TECTA: variants seen among roughly 807,000 people sequenced by gnomAD.
The protein encoded by TECTA is alpha-tectorin.
A neutral mutation model predicts 216.8 loss-of-function variants in TECTA; 128 were observed. The ratio of observed to expected loss-of-function variants is 0.59; its 90% CI spans 0.51 to 0.68. The LOEUF is 0.68. Ranked by LOEUF, TECTA falls within the 30% of genes least tolerant of loss-of-function variation. The probability of loss-of-function intolerance (pLI) is 0.00; values close to 1 mark genes in which losing one functional copy is unlikely to be tolerated. For synonymous variants in TECTA, 1,089 were observed against 1,117.1 expected (o/e 0.97, Z 0.50); for missense variants, 2,551 against 2,786.2 (o/e 0.92, Z 1.90).
chr11:121,102,747 C>T lies in TECTA; in HGVS notation c.64+18C>T, dbSNP rs749080253. ...GCACCAAGGTGAGTACTACAGAATT[C>T]CATAAAGCTCTCAGTTAGCATGCTC... is the stretch of plus-strand genomic sequence containing the variant. On this transcript the variant is annotated intron_variant, in intron 2 of 23. Coordinates refer to ENST00000392793, the MANE Select transcript of TECTA (RefSeq NM_005422.4). 1.9e-6 allele frequency: 3 copies of T among 1,608,844 alleles called. No homozygotes were observed. Among genetic ancestry groups the T allele is most frequent in the Non-Finnish European group, 2.6e-6 (3 of 1,175,540 alleles).
intron 18 of TECTA, 135 bp downstream of exon 18, chr11:121,166,915 G>C: frequency 1.0e-6 from 1 of 966,304 alleles, no homozygotes; most frequent in Non-Finnish European, 1.6e-6. Flanking sequence ...CAATAGGCAT[G>C]TGCAACATGA....
chr11:121,139,155 C>T (rs1306207392), intron 11 of TECTA, among the ~76,000 whole-genome samples: 1 of 152,218 alleles, frequency 6.6e-6, no homozygotes, highest in African/African-American at 2.4e-5. Flanking sequence ...GTGTCGTCCT[C>T]TTCCCTTGCT....
chr11:121,185,480 C>A (rs12801565), intron 20 of TECTA, among the ~76,000 whole-genome samples: 14 of 122,006 alleles, frequency 1.1e-4, no homozygotes, highest in African/African-American at 3.8e-4. Flanking sequence ...GTAGGGAAAG[C>A]AGATGTTGAA....
chr11:121,159,126 T>G (rs1946973914), intron 14 of TECTA, among the ~76,000 whole-genome samples: 1 of 152,196 alleles, frequency 6.6e-6, no homozygotes, highest in Admixed American at 6.5e-5. Flanking sequence ...AGGCCTTGAG[T>G]GTATCTTTAA....
chr11:121,145,427 G>T, intron 11 of TECTA, 128 bp from the exon 12 acceptor site: 1 of 906,572 alleles, frequency 1.1e-6, no homozygotes, highest in Non-Finnish European at 1.8e-6. Context: ...AACAGTACAT[G>T]CAAAGACTGC....
At chr11:121,168,573 C>T (rs956302104) in intron 19 of TECTA, 104 bp from the exon 20 acceptor site, 95 of 1,569,060 alleles carry the variant, frequency 6.1e-5, no homozygotes, top group Non-Finnish European at 8.1e-5. Context: ...GACTTTGCTA[C>T]TACGTGCTTT....
chr11:121,129,660 T>C lies in TECTA; in HGVS notation c.2390T>C (p.Leu797Ser), dbSNP rs1263475888. The C allele has an allele frequency of 9.9e-6, 16 of 1,614,092 alleles. No individual in the cohort carries two copies. The highest frequency in any genetic ancestry group is 1.4e-5 in the Non-Finnish European group (16 of 1,180,042). ...CAGTTGAATGGTCAGGAAGTGGAATTGCCTTTTTTCCATCCTTCGGGGAAG... is the reference window on the plus strand; with the variant it reads ...CAGTTGAATGGTCAGGAAGTGGAATCGCCTTTTTTCCATCCTTCGGGGAAG... ...EVKLNGQEVE[L>S]PFFHPSGKLE... The change falls in exon 10 of 24, where the codon TTG becomes TCG. Residue 797 changes from leucine to serine, a missense_variant. Physicochemically the swap from Leu to Ser is moderately radical, Grantham distance 145 (BLOSUM62 -2). This residue lies in a region of TECTA where 2,375 missense variants were observed against 2,563.9 expected (regional missense o/e 0.93). Coordinates refer to ENST00000392793, the MANE Select transcript of TECTA (RefSeq NM_005422.4).
intron 8 of TECTA, among the ~76,000 whole-genome samples, chr11:121,126,092 T>C (rs994448023): frequency 6.6e-5 from 10 of 152,284 alleles, no homozygotes; most frequent in South Asian, 6.2e-4. Context: ...TGAACATACA[T>C]GGTCTGGAAA....
intron 20 of TECTA, among the ~76,000 whole-genome samples, chr11:121,169,844 T>TA (rs1222487810): frequency 6.6e-6 from 1 of 152,198 alleles, no homozygotes; most frequent in Non-Finnish European, 1.5e-5. Context: ...CTTGAATATG[T>TA]ATCTTTCCTT....
In TECTA at chr11:121,165,273, C is replaced by T. The variant is rs199705973; in HGVS notation, c.5273C>T (p.Ser1758Leu). 5 of 1,598,622 alleles carry T rather than the reference C, an allele frequency of 3.1e-6. No homozygotes were observed. Among genetic ancestry groups the T allele is most frequent in the Non-Finnish European group, 4.3e-6 (5 of 1,172,264 alleles). ...TGTTTCTGTGTGTTTTTCTTTTTAG[C>T]AGGAGTGGTTGAAGATCCCTGTGTG... Reference protein sequence around the residue: ...STEWIEKENCSGVVEDPCVGA... With the variant: ...STEWIEKENCLGVVEDPCVGA... Residue 1758 changes from serine to leucine, a missense_variant and splice_region_variant, in exon 17 of 24, where the codon TCA becomes TTA. By Grantham distance (145) the Ser-to-Leu change is moderately radical. Transcript: ENST00000392793.
Position 121,168,855 on chromosome 11 carries a change from C to T in TECTA, c.5929C>T (p.Leu1977Phe), listed in dbSNP as rs1591464632. The change falls in exon 20 of 24, where the codon CTC becomes TTC. Residue 1977 changes from leucine to phenylalanine, a missense_variant. Coordinates refer to ENST00000392793, the MANE Select transcript of TECTA (RefSeq NM_005422.4). Reference sequence around the variant, plus strand: ...TGACGCCACACATTTAATCCTAACACTCAACAAATGCTATGCCACACCCAC... The same window carrying T: ...TGACGCCACACATTTAATCCTAACATTCAACAAATGCTATGCCACACCCAC... Reference protein sequence around the residue: ...GADATHLILTLNKCYATPTRD... With the variant: ...GADATHLILTFNKCYATPTRD... 1 of 1,614,138 alleles carries T rather than the reference C, an allele frequency of 6.2e-7. No homozygotes were observed. The highest frequency in any genetic ancestry group is 8.5e-7 in the Non-Finnish European group (1 of 1,180,016).
At chr11:121,121,817 A>G (rs1289459230) in intron 7 of TECTA, among the ~76,000 whole-genome samples, 1 of 152,200 alleles carries the variant, frequency 6.6e-6, no homozygotes, top group South Asian at 2.1e-4. Flanking sequence ...GAGCCCATTC[A>G]GCAGTTGACG....
chr11:121,134,355 ACT>A (rs1244152900), intron 10 of TECTA, among the ~76,000 whole-genome samples: 27 of 151,986 alleles, frequency 1.8e-4, no homozygotes, highest in African/African-American at 4.4e-4. Flanking sequence ...ACACGCACAC[ACT>A]TCTTTTTAAC....
intron 20 of TECTA, among the ~76,000 whole-genome samples, chr11:121,186,914 A>G (rs1030333420): frequency 6.6e-6 from 1 of 152,206 alleles, no homozygotes; most frequent in African/African-American, 2.4e-5. Context: ...CATCTGACAG[A>G]AGTTTTCAAA....
At chr11:121,151,485 G>T (rs1208349081) in intron 12 of TECTA, among the ~76,000 whole-genome samples, 1 of 152,168 alleles carries the variant, frequency 6.6e-6, no homozygotes, top group Non-Finnish European at 1.5e-5. Flanking sequence ...TATATATTAT[G>T]CTCCCATTTA....
chr11:121,120,004 T>C (rs1946540851), intron 7 of TECTA, among the ~76,000 whole-genome samples: 1 of 152,260 alleles, frequency 6.6e-6, no homozygotes, highest in Non-Finnish European at 1.5e-5. Context: ...TCCTTGTAGA[T>C]AGATGCTGGC....
At chr11:121,181,008 A>C (rs988875041) in intron 20 of TECTA, among the ~76,000 whole-genome samples, 1 of 151,992 alleles carries the variant, frequency 6.6e-6, no homozygotes, top group African/African-American at 2.4e-5. Flanking sequence ...TCTACTAAAA[A>C]TACAAAAAAT....
At chr11:121,167,369 C>G (rs185949842) in intron 18 of TECTA, among the ~76,000 whole-genome samples, 3 of 152,246 alleles carry the variant, frequency 2.0e-5, no homozygotes, top group Admixed American at 2.0e-4. Flanking sequence ...GAGTTCAAGG[C>G]TGCAGTGAGC....
intron 14 of TECTA, among the ~76,000 whole-genome samples, chr11:121,158,759 T>G (rs1048364187): frequency 6.6e-6 from 1 of 152,156 alleles, no homozygotes; most frequent in Non-Finnish European, 1.5e-5. Context: ...GGGAGGCTGC[T>G]CTTGGTGGAT....
Sources: gnomAD v4.1 joint callset for allele counts (sites outside exome capture counted in the v4.1 genomes callset) on GRCh38, gnomAD v4.1.1 for gene constraint, gnomAD v4.1.1 regional missense constraint, MANE v1.5 for transcripts, NCBI Gene and HGNC (gene_info 2026-07-23, HGNC 2026-07-21) for gene names.